The following FBLN2 variants were observed in gnomAD, a reference collection of about 807,000 sequenced individuals.
The protein encoded by FBLN2 is fibulin 2.
FBLN2 carries 81 observed loss-of-function variants against 123.7 expected under a neutral mutation model. The observed-to-expected ratio is 0.65, with a 90% confidence interval of 0.55 to 0.79. FBLN2 has a LOEUF of 0.79. Ranked by LOEUF, FBLN2 falls within the 30% of genes least tolerant of loss-of-function variation. The probability of loss-of-function intolerance (pLI) is 0.00; values close to 1 mark genes in which losing one functional copy is unlikely to be tolerated. For missense variants in FBLN2, 1,603 were observed against 1,681.3 expected (o/e 0.95, Z 0.81); for synonymous variants, 699 against 701.4 (o/e 1.00, Z 0.05).
In FBLN2 at chr3:13,618,175, T is replaced by G. The variant is rs780761153; in HGVS notation, c.1829T>G (p.Leu610Arg). 3 of 1,613,222 alleles carry G rather than the reference T, an allele frequency of 1.9e-6. No homozygotes were observed. Among genetic ancestry groups the G allele is most frequent in the Non-Finnish European group, 2.5e-6 (3 of 1,179,462 alleles). ...LPGDDQDECLLLPGELCQHLC... is the reference protein window; with the variant it reads ...LPGDDQDECLRLPGELCQHLC... ...GGCGATGACCAGGATGAGTGCCTTC[T>G]CCTCCCGGGAGAGCTGTGCCAGCAC... Residue 610 changes from leucine (L) to arginine (R), a missense_variant, in exon 6 of 18, where the codon CTC becomes CGC. Transcript: ENST00000404922.
chr3:13,580,307 C>T (rs574143648), intron 2 of FBLN2, among the ~76,000 whole-genome samples: 4 of 152,226 alleles, frequency 2.6e-5, no homozygotes, highest in Admixed American at 6.5e-5. Flanking sequence ...TTCACTTGTT[C>T]GCCCTGGAGG....
At chr3:13,549,377 C>G (rs1391248626) in intron 1 of FBLN2, among the ~76,000 whole-genome samples, 169 bp downstream of exon 1, 6 of 151,522 alleles carry the variant, frequency 4.0e-5, no homozygotes, top group Non-Finnish European at 8.8e-5. Context: ...GTCTCGCTCT[C>G]CCGGTCCCAG....
At position 13,570,669 on chromosome 3, in the gene FBLN2, G is replaced by A; in HGVS notation, c.314G>A (p.Gly105Asp). The A allele has an allele frequency of 6.3e-7, 1 of 1,584,492 alleles. No individual in the cohort carries two copies. Among genetic ancestry groups the A allele is most frequent in the Non-Finnish European group, 8.6e-7 (1 of 1,166,622 alleles). Residue 105 changes from glycine (G) to aspartate (D), a missense_variant, in exon 2 of 18, where the codon GGC (glycine) becomes GAC (aspartate). Coordinates refer to ENST00000404922, the MANE Select transcript of FBLN2 (RefSeq NM_001004019.2). Reference protein sequence around the residue: ...STECSCPPGGGKISCQFMLCP... With the variant: ...STECSCPPGGDKISCQFMLCP... Reference sequence around the variant, plus strand: ...GAGTGCTCCTGCCCACCAGGCGGCGGCAAGATCAGCTGCCAGTTCATGCTG... The same window carrying A: ...GAGTGCTCCTGCCCACCAGGCGGCGACAAGATCAGCTGCCAGTTCATGCTG...
rs755010137 is a variant in FBLN2 at position 13,609,597 on chromosome 3, C to T, written c.1503C>T (p.Thr501=). The change falls in exon 4 of 18, where the codon ACC becomes ACT. Residue 501 remains threonine (T), a synonymous_variant. Transcript: ENST00000404922. ...TCCTGGGAGCCAAGGAGGGTGAGACCTGTGGGGCTGAGGACAACGACAGCT... is the reference window on the plus strand; with the variant it reads ...TCCTGGGAGCCAAGGAGGGTGAGACTTGTGGGGCTGAGGACAACGACAGCT... The part of the protein sequence containing the change: ...AGVLGAKEGE[T]CGAEDNDSCG... 7 of 1,418,716 alleles carry T rather than the reference C, an allele frequency of 4.9e-6. No homozygotes were observed. The South Asian group carries it at 7.2e-5, about 15-fold the overall frequency. 87.9% of individuals were successfully genotyped at this position (1,418,716 alleles called of 1,614,324 possible).
Position 13,570,348 on chromosome 3 carries a change from C to T in FBLN2, c.-8C>T, listed in dbSNP as rs1355805164. Reference sequence around the variant, plus strand: ...AGGAGAGGGGACCGTCCTGGGCTGGCCTGGACCATGGTGCTGCTCTGGGAG... The same window carrying T: ...AGGAGAGGGGACCGTCCTGGGCTGGTCTGGACCATGGTGCTGCTCTGGGAG... On this transcript the variant is annotated 5_prime_UTR_variant, in exon 2 of 18. Transcript: ENST00000404922. The T allele has an allele frequency of 2.6e-6, 4 of 1,540,636 alleles. No individual in the cohort carries two copies. The South Asian group carries it at 3.6e-5, about 14-fold the overall frequency.
At chr3:13,562,390 C>T (rs1232286243) in intron 1 of FBLN2, among the ~76,000 whole-genome samples, 17 of 149,000 alleles carry the variant, frequency 1.1e-4, no homozygotes, top group African/African-American at 2.5e-4. Flanking sequence ...GGAGTCTTGC[C>T]GTGTCGCCCA....
intron 1 of FBLN2, chr3:13,568,954 A>G (rs1574948402): frequency 1.0e-6 from 1 of 985,462 alleles, no homozygotes; most frequent in Non-Finnish European, 1.2e-6. Context: ...AGGCTTGGGG[A>G]CCACTGCTGT....
intron 2 of FBLN2, among the ~76,000 whole-genome samples, chr3:13,593,857 C>CTGAAT (rs1454194560): frequency 5.9e-5 from 9 of 152,074 alleles, no homozygotes; most frequent in African/African-American, 2.2e-4. Context: ...CCAGCGTGGG[C>CTGAAT]GGCTGTAACC....
At chr3:13,553,086 G>A (rs925878814) in intron 1 of FBLN2, among the ~76,000 whole-genome samples, 1 of 152,320 alleles carries the variant, frequency 6.6e-6, no homozygotes, top group African/African-American at 2.4e-5. Context: ...AAGGTACAGG[G>A]GTGAGGGGCA....
At chr3:13,569,010 G>A (rs1279448466) in intron 1 of FBLN2, 2 of 985,772 alleles carry the variant, frequency 2.0e-6, no homozygotes, top group Non-Finnish European at 2.4e-6. Flanking sequence ...ATGGGGCTGC[G>A]CTTTAGGCTG....
chr3:13,637,724 C>G lies in FBLN2; in HGVS notation c.3501C>G (p.Asn1167Lys). 6.2e-7 allele frequency: 1 copy of G among 1,614,036 alleles called. No homozygotes were observed. The highest frequency in any genetic ancestry group is 8.5e-7 in the Non-Finnish European group (1 of 1,179,886). Residue 1167 changes from asparagine (N) to lysine (K), a missense_variant, in exon 18 of 18, where the codon AAC becomes AAG. By Grantham distance (94) the Asn-to-Lys change is moderately conservative (BLOSUM62 0). Transcript: ENST00000404922. ...TCACGGGGGACACCATCGCCCTGAA[C>G]ATCATCAAGGGCAATGAGGAGGGCT... is the stretch of plus-strand genomic sequence containing the variant. ...PAFTGDTIALNIIKGNEEGYF... is the reference protein window; with the variant it reads ...PAFTGDTIALKIIKGNEEGYF...
At position 13,569,081 on chromosome 3, in the gene FBLN2, G is replaced by T. The variant is rs1005263360; in HGVS notation, c.-41-1234G>T. 6 of 984,870 alleles carry T rather than the reference G, an allele frequency of 6.1e-6. No individual in the cohort carries two copies. In the African/African-American group the frequency reaches 8.7e-5, roughly 14 times the overall value. 61.0% of individuals were successfully genotyped at this position (984,870 alleles called of 1,614,324 possible). A position where few individuals can be genotyped will look rare whatever the true frequency, so the allele number is the denominator to read the frequency against. ...GGAGCACGCTGTCTATAAGAGTCAG[G>T]TACGGCCACTGGGTCACAAGTGGGG... is the stretch of plus-strand genomic sequence containing the variant. On this transcript the variant is annotated intron_variant, in intron 1 of 17. Coordinates refer to ENST00000404922, the MANE Select transcript of FBLN2 (RefSeq NM_001004019.2).
chr3:13,600,330 C>T (rs558031690), intron 2 of FBLN2, among the ~76,000 whole-genome samples: 26 of 152,190 alleles, frequency 1.7e-4, no homozygotes, highest in African/African-American at 6.0e-4. Context: ...GTGGCCCTCC[C>T]AGCATAAGGG....
At chr3:13,558,784 TCCACCCACCCACCCAC>T (rs60014707) in intron 1 of FBLN2, among the ~76,000 whole-genome samples, 1 of 135,272 alleles carries the variant, frequency 7.4e-6, no homozygotes, top group Non-Finnish European at 1.6e-5. Flanking sequence ...CATCCACCCA[TCCACCCACCCACCCAC>T]CCACCCACCC....
At chr3:13,586,630 T>A (rs1339688290) in intron 2 of FBLN2, among the ~76,000 whole-genome samples, 1 of 151,112 alleles carries the variant, frequency 6.6e-6, no homozygotes, top group Non-Finnish European at 1.5e-5. Flanking sequence ...CCTGAGTAGC[T>A]GGGACTACAG....
intron 15 of FBLN2, 133 bp from the exon 16 acceptor site, chr3:13,631,196 C>A: frequency 8.6e-7 from 1 of 1,165,116 alleles, no homozygotes; most frequent in Non-Finnish European, 1.2e-6. Flanking sequence ...CTCTTCTACT[C>A]TCTCAGTCCA....
intron 2 of FBLN2, among the ~76,000 whole-genome samples, chr3:13,581,580 A>G (rs1373490390): frequency 6.6e-6 from 1 of 152,070 alleles, no homozygotes. Flanking sequence ...CTTTTGCCAC[A>G]TTGTGTTGGC....
intron 2 of FBLN2, 41 bp from the exon 3 acceptor site, chr3:13,608,021 G>A (rs1406989735): frequency 6.6e-7 from 1 of 1,505,680 alleles, no homozygotes; most frequent in African/African-American, 1.4e-5. Context: ...TGGACTTGGT[G>A]ACTTATGAAT....
chr3:13,597,089 G>A (rs1016991212), intron 2 of FBLN2, among the ~76,000 whole-genome samples: 1 of 151,994 alleles, frequency 6.6e-6, no homozygotes, highest in Non-Finnish European at 1.5e-5. Context: ...ACACCATCAT[G>A]CCTGGCTAAT....
Sources: gnomAD v4.1 joint callset for allele counts (sites outside exome capture counted in the v4.1 genomes callset) on GRCh38, gnomAD v4.1.1 for gene constraint, MANE v1.5 for transcripts, NCBI Gene and HGNC (gene_info 2026-07-23, HGNC 2026-07-21) for gene names.